HS6ST3: variants seen among roughly 807,000 people sequenced by gnomAD.
HS6ST3 encodes the protein heparan-sulfate 6-O-sulfotransferase 3.
A neutral mutation model predicts 36.7 loss-of-function variants in HS6ST3; 12 were observed. The ratio of observed to expected loss-of-function variants is 0.33; its 90% CI spans 0.21 to 0.53. HS6ST3 has a LOEUF of 0.53. Among genes scored for constraint, HS6ST3 ranks in the 20% least tolerant of loss-of-function variants. The pLI is 0.95. For missense variants in HS6ST3, 584 were observed against 640.9 expected (o/e 0.91, Z 0.96); for synonymous variants, 240 against 257.5 (o/e 0.93, Z 0.65).
chr13:96,774,906 G>GA (rs1877350376), intron 1 of HS6ST3, among the ~76,000 whole-genome samples: 2 of 152,198 alleles, frequency 1.3e-5, no homozygotes, highest in South Asian at 2.1e-4. Context: ...TGAAATGCAG[G>GA]AAAAAATGTT....
chr13:96,703,150 G>A (rs1398998648), intron 1 of HS6ST3, among the ~76,000 whole-genome samples: 1 of 152,210 alleles, frequency 6.6e-6, no homozygotes, highest in Non-Finnish European at 1.5e-5. Context: ...ATACTAGGCA[G>A]AAGAAAACTG....
At chr13:96,377,569 A>C (rs1182205729) in intron 1 of HS6ST3, among the ~76,000 whole-genome samples, 2 of 152,192 alleles carry the variant, frequency 1.3e-5, no homozygotes, top group Non-Finnish European at 2.9e-5. Context: ...TAAAAGCAGT[A>C]GTATTGAGAT....
rs532906179 is a variant in HS6ST3, at chr13:96,183,044, G to A, written c.707+91475G>A. On this transcript the variant is annotated intron_variant, in intron 1 of 1. Coordinates refer to ENST00000376705, the MANE Select transcript of HS6ST3 (RefSeq NM_153456.4). ...GTTTGAGAGCTGATTCTAGATGGCAGTAGAAACTAACATGGGACATGGCCC... is the reference window on the plus strand; with the variant it reads ...GTTTGAGAGCTGATTCTAGATGGCAATAGAAACTAACATGGGACATGGCCC... Among the ~76,000 whole-genome samples the A allele has an allele frequency of 1.4e-3, 216 of 152,348 alleles. 1 individual carries two copies. The highest frequency in any genetic ancestry group is 2.6e-3 in the Non-Finnish European group (176 of 68,036).
intron 1 of HS6ST3, among the ~76,000 whole-genome samples, chr13:96,367,869 T>G (rs1192691762): frequency 6.6e-6 from 1 of 152,200 alleles, no homozygotes; most frequent in African/African-American, 2.4e-5. Flanking sequence ...TTCTTTCCCT[T>G]GGTGACTGTT....
chr13:96,393,356 A>G (rs573414725), intron 1 of HS6ST3, among the ~76,000 whole-genome samples: 2 of 152,320 alleles, frequency 1.3e-5, no homozygotes, highest in East Asian at 3.9e-4. Flanking sequence ...AGCTGTTATA[A>G]TCATCCAGGA....
intron 1 of HS6ST3, among the ~76,000 whole-genome samples, chr13:96,515,333 G>T (rs1321447708): frequency 1.3e-5 from 2 of 152,208 alleles, no homozygotes; most frequent in Non-Finnish European, 2.9e-5. Context: ...TCCAAATTGT[G>T]GGGATTGGAC....
chr13:96,396,810 C>T (rs148710799), intron 1 of HS6ST3, among the ~76,000 whole-genome samples: 18 of 152,212 alleles, frequency 1.2e-4, no homozygotes, highest in Non-Finnish European at 1.6e-4. Context: ...ATGGTGACAA[C>T]GTTGATTTGC....
intron 1 of HS6ST3, among the ~76,000 whole-genome samples, chr13:96,534,546 G>T (rs2056147854): frequency 6.6e-6 from 1 of 152,174 alleles, no homozygotes; most frequent in South Asian, 2.1e-4. Context: ...ACATATGTTA[G>T]CTTCCATCAT....
At chr13:96,276,461 C>A (rs569238445) in intron 1 of HS6ST3, among the ~76,000 whole-genome samples, 27 of 152,152 alleles carry the variant, frequency 1.8e-4, no homozygotes, top group Admixed American at 1.1e-3. Flanking sequence ...TTCTTATTGG[C>A]TGTGTGATGC....
At chr13:96,774,198 G>C (rs1877337494) in intron 1 of HS6ST3, among the ~76,000 whole-genome samples, 1 of 152,130 alleles carries the variant, frequency 6.6e-6, no homozygotes. Flanking sequence ...AAGACCAAAG[G>C]TAGATAAATC....
chr13:96,813,453 A>G (rs1382876342), intron 1 of HS6ST3, among the ~76,000 whole-genome samples: 1 of 151,980 alleles, frequency 6.6e-6, no homozygotes, highest in Non-Finnish European at 1.5e-5. Flanking sequence ...CTGGGGTTCC[A>G]CTCTACTCCT....
chr13:96,295,149 G>A (rs552955692), intron 1 of HS6ST3, among the ~76,000 whole-genome samples: 20 of 152,080 alleles, frequency 1.3e-4, no homozygotes, highest in Non-Finnish European at 2.8e-4. Flanking sequence ...GATGGCCATG[G>A]CTAGGTATTT....
At chr13:96,826,149 T>C (rs1878642095) in intron 1 of HS6ST3, among the ~76,000 whole-genome samples, 1 of 152,234 alleles carries the variant, frequency 6.6e-6, no homozygotes, top group African/African-American at 2.4e-5. Context: ...AACCTCATTG[T>C]TACTAATTAC....
intron 1 of HS6ST3, among the ~76,000 whole-genome samples, chr13:96,803,316 A>G (rs1041851807): frequency 2.6e-5 from 4 of 152,184 alleles, no homozygotes; most frequent in African/African-American, 4.8e-5. Context: ...CAGAGTTGAC[A>G]GTTAACTAAT....
At chr13:96,452,293 GCT>G (rs1171009592) in intron 1 of HS6ST3, among the ~76,000 whole-genome samples, 2 of 152,096 alleles carry the variant, frequency 1.3e-5, no homozygotes, top group African/African-American at 4.8e-5. Context: ...TTGAGTTTGT[GCT>G]CCAAACAAAT....
chr13:96,551,990 T>G (rs2056221241), intron 1 of HS6ST3, among the ~76,000 whole-genome samples: 1 of 152,228 alleles, frequency 6.6e-6, no homozygotes. Context: ...TAAAGTTAGT[T>G]GATCTATTTA....
intron 1 of HS6ST3, among the ~76,000 whole-genome samples, chr13:96,663,839 C>A (rs1425501105): frequency 1.3e-5 from 2 of 151,956 alleles, no homozygotes; most frequent in Non-Finnish European, 2.9e-5. Context: ...ATGAGTGAAC[C>A]ACAAAACATT....
At chr13:96,173,669 T>TAAA (rs5805954) in intron 1 of HS6ST3, among the ~76,000 whole-genome samples, 122 of 94,822 alleles carry the variant, frequency 1.3e-3, no homozygotes, top group Admixed American at 2.5e-3. Flanking sequence ...TCACAGGTTG[T>TAAA]AAAAAAAAAA....
At chr13:96,352,791 C>T (rs565087339) in intron 1 of HS6ST3, among the ~76,000 whole-genome samples, 136 of 152,276 alleles carry the variant, frequency 8.9e-4, no homozygotes, top group Admixed American at 2.7e-3. Context: ...TTATTAAACA[C>T]GTAGTCTTTA....
Sources: gnomAD v4.1 joint callset for allele counts (sites outside exome capture counted in the v4.1 genomes callset) on GRCh38, gnomAD v4.1.1 for gene constraint, MANE v1.5 for transcripts, NCBI Gene and HGNC (gene_info 2026-07-23, HGNC 2026-07-21) for gene names.